The following GAS2 variants were observed in gnomAD, a reference collection of about 807,000 sequenced individuals.
The protein encoded by GAS2 is growth arrest specific 2.
In GAS2, 20 loss-of-function variants were observed where a neutral mutation model predicts 37.5. The ratio of observed to expected loss-of-function variants is 0.53; its 90% confidence interval spans 0.37 to 0.77. The LOEUF (loss-of-function observed/expected upper bound fraction) is 0.77, where lower values mean the gene tolerates loss of function less well. GAS2 is among the 30% of genes least tolerant of loss of function. The pLI is 0.00. For missense variants in GAS2, 336 were observed against 373.4 expected (o/e 0.90, Z 0.82); for synonymous variants, 144 against 132.2 (o/e 1.09, Z -0.61).
chr11:22,737,175 T>C (rs1852800144), intron 4 of GAS2, among the ~76,000 whole-genome samples: 1 of 152,164 alleles, frequency 6.6e-6, no homozygotes, highest in Admixed American at 6.5e-5. Context: ...GCACATGAAG[T>C]GACAGGGTCT....
intron 6 of GAS2, among the ~76,000 whole-genome samples, chr11:22,751,408 A>C (rs1440862896): frequency 6.6e-6 from 1 of 152,024 alleles, no homozygotes; most frequent in East Asian, 1.9e-4. Flanking sequence ...GTATCTATTT[A>C]ATGAAGCATT....
rs779652117 is a variant in GAS2, at chr11:22,747,004, GC to G, written c.474-2115del. 2.0e-5 allele frequency among the ~76,000 whole-genome samples: 3 copies of G among 152,208 alleles called. No individual in the cohort carries two copies. In the South Asian group the frequency reaches 6.2e-4, roughly 32 times the overall value. ...GTAACCAGATGCTGTCTAGAATTCA[GC>G]ATAATCAATGATTACTAGAAAACTA... is the stretch of plus-strand genomic sequence containing the variant. On this transcript the variant is annotated intron_variant, in intron 5 of 7. Coordinates refer to ENST00000454584, the MANE Select transcript of GAS2 (RefSeq NM_001143830.3).
chr11:22,691,708 T>C (rs1316066707), intron 3 of GAS2, among the ~76,000 whole-genome samples: 1 of 152,184 alleles, frequency 6.6e-6, no homozygotes, highest in Non-Finnish European at 1.5e-5. Flanking sequence ...TTTATAGGTA[T>C]GTTGCTGCCT....
intron 7 of GAS2, among the ~76,000 whole-genome samples, chr11:22,785,142 C>T (rs906428286): frequency 2.6e-5 from 4 of 151,976 alleles, no homozygotes; most frequent in Non-Finnish European, 4.4e-5. Context: ...CATCTAAGCC[C>T]GATGTACTCT....
intron 3 of GAS2, among the ~76,000 whole-genome samples, chr11:22,722,803 C>A (rs563419160): frequency 6.6e-6 from 1 of 151,848 alleles, no homozygotes; most frequent in East Asian, 1.9e-4. Context: ...TTCATTCATT[C>A]ATCTATTAGT....
At chr11:22,788,633 A>G (rs2134546514) in intron 7 of GAS2, among the ~76,000 whole-genome samples, 1 of 152,312 alleles carries the variant, frequency 6.6e-6, no homozygotes, top group South Asian at 2.1e-4. Flanking sequence ...GTTTGTACTA[A>G]TTGGGGACAG....
intron 7 of GAS2, among the ~76,000 whole-genome samples, chr11:22,759,128 T>C (rs1346684221): frequency 6.6e-6 from 1 of 152,184 alleles, no homozygotes; most frequent in East Asian, 1.9e-4. Flanking sequence ...TTCAAACAGA[T>C]ACAGTAACAA....
intron 7 of GAS2, among the ~76,000 whole-genome samples, chr11:22,785,732 T>C (rs1855787990): frequency 6.6e-6 from 1 of 152,172 alleles, no homozygotes; most frequent in African/African-American, 2.4e-5. Context: ...GCTACTTTCG[T>C]TGAAAAGATT....
intron 1 of GAS2, among the ~76,000 whole-genome samples, chr11:22,646,092 C>T (rs1275311910): frequency 6.6e-6 from 1 of 152,092 alleles, no homozygotes; most frequent in Non-Finnish European, 1.5e-5. Flanking sequence ...ATCCAACTGT[C>T]TCGGCCTCCT....
At chr11:22,652,270 C>G (rs1393539075) in intron 1 of GAS2, among the ~76,000 whole-genome samples, 1 of 152,214 alleles carries the variant, frequency 6.6e-6, no homozygotes, top group Non-Finnish European at 1.5e-5. Context: ...AGGAGGCAGT[C>G]TGCCCGTTCT....
At chr11:22,783,947 T>C (rs1855699462) in intron 7 of GAS2, among the ~76,000 whole-genome samples, 1 of 152,186 alleles carries the variant, frequency 6.6e-6, no homozygotes, top group African/African-American at 2.4e-5. Context: ...AAAGATCAGT[T>C]GATTGTGCGT....
chr11:22,650,573 C>G (rs1452458502), intron 1 of GAS2, among the ~76,000 whole-genome samples: 1 of 146,786 alleles, frequency 6.8e-6, no homozygotes, highest in Admixed American at 6.8e-5. Flanking sequence ...GTAGGTCACT[C>G]AGGACTTGCT....
At chr11:22,775,144 C>A (rs992680937) in intron 7 of GAS2, among the ~76,000 whole-genome samples, 1 of 152,152 alleles carries the variant, frequency 6.6e-6, no homozygotes, top group Admixed American at 6.5e-5. Flanking sequence ...TGGCTTTCTC[C>A]TGAAGGCAAT....
At chr11:22,703,157 G>T (rs1003193661) in intron 3 of GAS2, among the ~76,000 whole-genome samples, 2 of 152,082 alleles carry the variant, frequency 1.3e-5, no homozygotes, top group African/African-American at 2.4e-5. Context: ...TAGCACCAGC[G>T]CAGTGTTGTC....
chr11:22,707,393 G>A (rs1298076672), intron 3 of GAS2, among the ~76,000 whole-genome samples: 1 of 152,156 alleles, frequency 6.6e-6, no homozygotes, highest in African/African-American at 2.4e-5. Flanking sequence ...AGATAACCTT[G>A]AATTTTCTTT....
rs550980075 is a variant in GAS2 at position 22,651,586 on chromosome 11, A to T, written c.-20-23264A>T. Among the ~76,000 whole-genome samples, 12 of 152,288 alleles carry T rather than the reference A, an allele frequency of 7.9e-5. No homozygotes were observed. The South Asian group carries it at 2.5e-3, about 32-fold the overall frequency. ...AGACATAGATTTGGTCTTTCCACATAGTCCCATATTTCTTGGAGGCTGTGC... is the reference window on the plus strand; with the variant it reads ...AGACATAGATTTGGTCTTTCCACATTGTCCCATATTTCTTGGAGGCTGTGC... On this transcript the variant is annotated intron_variant, in intron 1 of 5. Coordinates refer to the GAS2 transcript ENST00000528582.
chr11:22,708,285 A>G lies in GAS2; in HGVS notation c.268-18007A>G, dbSNP rs537594753. 9.1e-4 allele frequency among the ~76,000 whole-genome samples: 138 copies of G among 152,258 alleles called. 1 individual carries two copies. The highest frequency in any genetic ancestry group is 2.9e-3 in the African/African-American group (122 of 41,580). ...TATGGATATTTTTGAGATTGTGTTTATGTTTTTTAGTGATTATTAAAATCC... is the reference window on the plus strand; with the variant it reads ...TATGGATATTTTTGAGATTGTGTTTGTGTTTTTTAGTGATTATTAAAATCC... On this transcript the variant is annotated intron_variant, in intron 3 of 7. Coordinates refer to ENST00000454584, the MANE Select transcript of GAS2 (RefSeq NM_001143830.3).
At chr11:22,695,019 C>T (rs1298197127) in intron 3 of GAS2, among the ~76,000 whole-genome samples, 1 of 152,106 alleles carries the variant, frequency 6.6e-6, no homozygotes, top group East Asian at 1.9e-4. Context: ...TCAGCAATGG[C>T]TTAAAAAAGT....
chr11:22,772,714 G>C (rs977915307), intron 7 of GAS2, among the ~76,000 whole-genome samples: 7 of 152,076 alleles, frequency 4.6e-5, no homozygotes, highest in Non-Finnish European at 7.4e-5. Context: ...TCTGCCTTCC[G>C]TCTTTTCCCA....
Sources: allele counts gnomAD v4.1 joint callset (sites outside exome capture counted in the v4.1 genomes callset), GRCh38; gene constraint gnomAD v4.1.1; transcripts MANE v1.5; gene names NCBI Gene and HGNC (gene_info 2026-07-23, HGNC 2026-07-21).